The following VPS54 variants were observed in gnomAD, a reference collection of about 807,000 sequenced individuals.
VPS54 encodes vacuolar protein sorting-associated protein 54.
A neutral mutation model predicts 121.5 loss-of-function variants in VPS54; 45 were observed. The observed-to-expected ratio is 0.37, with a 90% CI of 0.29 to 0.47. VPS54 has a LOEUF of 0.47. Ranked by LOEUF, VPS54 falls within the 20% of genes least tolerant of loss-of-function variation. The pLI, the probability that VPS54 is intolerant of heterozygous loss-of-function variation, is 0.99. For synonymous variants in VPS54, 371 were observed against 385.8 expected (o/e 0.96, Z 0.45); for missense variants, 1,090 against 1,131.4 (o/e 0.96, Z 0.52).
intron 11 of VPS54, 131 bp downstream of exon 11, chr2:63,942,334 C>A: frequency 1.8e-6 from 1 of 562,342 alleles, no homozygotes; most frequent in Non-Finnish European, 2.9e-6. Context: ...TAAAAACAAG[C>A]CTCTTTAGAA....
intron 5 of VPS54, among the ~76,000 whole-genome samples, chr2:63,967,592 G>A (rs1463004924): frequency 6.6e-6 from 1 of 151,742 alleles, no homozygotes; most frequent in Non-Finnish European, 1.5e-5. Flanking sequence ...GGTAGCAGGC[G>A]CCTGTAATCC....
intron 12 of VPS54, among the ~76,000 whole-genome samples, chr2:63,922,432 TTA>T (rs1421774624): frequency 5.3e-5 from 8 of 152,330 alleles, no homozygotes; most frequent in Middle Eastern, 3.4e-3. Flanking sequence ...TTAAAGAAGG[TTA>T]TTACCTGCTA....
chr2:64,007,099 A>T lies in VPS54; in HGVS notation c.-21+11839T>A, dbSNP rs561382724. Among the ~76,000 whole-genome samples, 53 of 152,342 alleles carry T rather than the reference A, an allele frequency of 3.5e-4. No individual in the cohort carries two copies. In the Middle Eastern group the frequency reaches 0.017, roughly 49 times the overall value. Reference sequence around the variant, plus strand: ...TAGGAGAAAGTAGAGGGAAAACAGCAATAACAAACTAAACCAATATGGGCA... The same window carrying T: ...TAGGAGAAAGTAGAGGGAAAACAGCTATAACAAACTAAACCAATATGGGCA... On this transcript the variant is annotated intron_variant, in intron 1 of 22. Coordinates refer to ENST00000272322, the MANE Select transcript of VPS54 (RefSeq NM_016516.3).
At chr2:63,946,183 G>A (rs1674969109) in intron 9 of VPS54, among the ~76,000 whole-genome samples, 1 of 152,034 alleles carries the variant, frequency 6.6e-6, no homozygotes, top group Non-Finnish European at 1.5e-5. Context: ...TCCACGTTAT[G>A]TCTATGATAT....
intron 12 of VPS54, among the ~76,000 whole-genome samples, chr2:63,933,411 T>A (rs1674306112): frequency 6.6e-6 from 1 of 152,168 alleles, no homozygotes; most frequent in Non-Finnish European, 1.5e-5. Context: ...TCAATTACCT[T>A]ATCACTGAAA....
At chr2:63,904,931 G>A (rs1326443387) in intron 20 of VPS54, among the ~76,000 whole-genome samples, 1 of 152,098 alleles carries the variant, frequency 6.6e-6, no homozygotes, top group Non-Finnish European at 1.5e-5. Flanking sequence ...TAGAAATTAA[G>A]TAACAGATTT....
At chr2:63,921,125 G>T in intron 13 of VPS54, 81 bp downstream of exon 13, 1 of 1,431,122 alleles carries the variant, frequency 7.0e-7, no homozygotes, top group South Asian at 1.5e-5. Context: ...GCATTATGGG[G>T]AACACAGGAA....
chr2:63,999,481 T>C (rs1470144158), intron 1 of VPS54, among the ~76,000 whole-genome samples: 2 of 152,132 alleles, frequency 1.3e-5, no homozygotes, highest in Admixed American at 1.3e-4. Flanking sequence ...AGCTCCATTG[T>C]ATGTTGTTTC....
chr2:63,962,558 G>A, intron 6 of VPS54, 115 bp from the exon 7 acceptor site: 1 of 1,281,036 alleles, frequency 7.8e-7, no homozygotes. Context: ...TCCATTGTGT[G>A]AATTGTTTGA....
chr2:63,899,500 C>T lies in VPS54; in HGVS notation c.2707G>A (p.Asp903Asn). 1 of 1,613,732 alleles carries T rather than the reference C, an allele frequency of 6.2e-7. No homozygotes were observed. The highest frequency in any genetic ancestry group is 8.5e-7 in the Non-Finnish European group (1 of 1,179,902). ...QMTKMHEAIF[D>N]LLPEEQTQML... ...TGTGTTTGTTCTTCTGGAAGGAGAT[C>T]AAATATAGCTTCGTGCATTTTTGTC... Residue 903 changes from aspartate (D) to asparagine (N), a missense_variant, in exon 21 of 23, where the codon GAT becomes AAT. Physicochemically the swap from Asp to Asn is conservative, Grantham distance 23. Transcript: ENST00000272322.
rs769784457 is a variant in VPS54 at position 63,981,708 on chromosome 2, A to C, written c.316T>G (p.Ser106Ala). ...LDFVDTEVIPSFYLPQISKEH... is the reference protein window; with the variant it reads ...LDFVDTEVIPAFYLPQISKEH... Reference sequence around the variant, plus strand: ...TTGCTGATCTGTGGGAGGTAGAATGAAGGTATGACTTCAGTGTCCACAAAG... The same window carrying C: ...TTGCTGATCTGTGGGAGGTAGAATGCAGGTATGACTTCAGTGTCCACAAAG... The change falls in exon 3 of 23, where the codon TCA becomes GCA. Residue 106 changes from serine (S) to alanine (A), a missense_variant. This residue lies in a region of VPS54 where 801 missense variants were observed against 757.0 expected (regional missense o/e 1.06). Coordinates refer to ENST00000272322, the MANE Select transcript of VPS54 (RefSeq NM_016516.3). 6.2e-7 allele frequency: 1 copy of C among 1,613,544 alleles called. No individual in the cohort carries two copies. The highest frequency in any genetic ancestry group is 2.2e-5 in the East Asian group (1 of 44,824).
intron 1 of VPS54, among the ~76,000 whole-genome samples, chr2:64,001,022 C>CA (rs1677848688): frequency 2.0e-5 from 3 of 152,178 alleles, no homozygotes; most frequent in African/African-American, 7.2e-5. Context: ...AGCTAGGAAT[C>CA]AGTCAAAAAC....
intron 1 of VPS54, among the ~76,000 whole-genome samples, chr2:64,005,106 T>C (rs1678069839): frequency 1.8e-5 from 2 of 109,572 alleles, no homozygotes; most frequent in African/African-American, 3.7e-5. Context: ...TTTTTTTTTT[T>C]TTTTTTTTTT....
At chr2:63,919,833 T>C in intron 15 of VPS54, 50 bp downstream of exon 15, 1 of 1,368,362 alleles carries the variant, frequency 7.3e-7, no homozygotes, top group Non-Finnish European at 9.9e-7. Flanking sequence ...TAATACAAAA[T>C]AAATAAACAA....
intron 11 of VPS54, among the ~76,000 whole-genome samples, chr2:63,940,632 A>T (rs1674678624): frequency 6.6e-6 from 1 of 152,214 alleles, no homozygotes; most frequent in Non-Finnish European, 1.5e-5. Context: ...GTTTCACTAT[A>T]ATGATGAGTG....
rs908902664 is a variant in VPS54, at chr2:63,899,512, C to T, written c.2695G>A (p.Glu899Lys). The change falls in exon 21 of 23, where the codon GAA becomes AAA. Residue 899 changes from glutamate to lysine, a missense_variant. Transcript: ENST00000272322. ...NICKQMTKMH[E>K]AIFDLLPEEQ... ...TCTGGAAGGAGATCAAATATAGCTTCGTGCATTTTTGTCATTTGCTTACAA... is the reference window on the plus strand; with the variant it reads ...TCTGGAAGGAGATCAAATATAGCTTTGTGCATTTTTGTCATTTGCTTACAA... The T allele has an allele frequency of 9.3e-6, 15 of 1,613,714 alleles. No homozygotes were observed. Among genetic ancestry groups the T allele is most frequent in the East Asian group, 2.2e-5 (1 of 44,858 alleles).
chr2:64,011,992 T>C (rs985639732), intron 1 of VPS54, among the ~76,000 whole-genome samples: 1 of 152,236 alleles, frequency 6.6e-6, no homozygotes, highest in African/African-American at 2.4e-5. Flanking sequence ...AAATATTAAA[T>C]GTTAGTTTAA....
In VPS54 at chr2:63,930,729, T is replaced by C. The variant is rs573943064; in HGVS notation, c.1739+2944A>G. ...GGAAAAGAGGAAGTCAAATTGTCTCTGTTTGTAGATGACATGATTGTATAT... is the reference window on the plus strand; with the variant it reads ...GGAAAAGAGGAAGTCAAATTGTCTCCGTTTGTAGATGACATGATTGTATAT... On this transcript the variant is annotated intron_variant, in intron 12 of 22. Coordinates refer to ENST00000272322, the MANE Select transcript of VPS54 (RefSeq NM_016516.3). Among the ~76,000 whole-genome samples the C allele has an allele frequency of 2.6e-5, 4 of 152,348 alleles. No individual in the cohort carries two copies. In the South Asian group the frequency reaches 6.2e-4, roughly 24 times the overall value.
chr2:64,013,542 TGCTG>T (rs1678526624), intron 1 of VPS54, among the ~76,000 whole-genome samples: 1 of 145,808 alleles, frequency 6.9e-6, no homozygotes, highest in Non-Finnish European at 1.5e-5. Flanking sequence ...ATTAAGTAAA[TGCTG>T]ATATATATAT....
Sources: allele counts gnomAD v4.1 joint callset (sites outside exome capture counted in the v4.1 genomes callset), GRCh38; gene constraint gnomAD v4.1.1; regional missense constraint gnomAD v4.1.1; transcripts MANE v1.5; gene names NCBI Gene and HGNC (gene_info 2026-07-23, HGNC 2026-07-21).